KRT26: variants seen among roughly 807,000 people sequenced by gnomAD.
KRT26 encodes keratin 26.
KRT26 carries 45 observed loss-of-function variants against 46.1 expected under a neutral mutation model. The ratio of observed to expected loss-of-function variants is 0.98; its 90% CI spans 0.77 to 1.25. The LOEUF (loss-of-function observed/expected upper bound fraction) is 1.25. Ranked by LOEUF, KRT26 falls within the 50% of genes most tolerant of loss-of-function variation. The pLI is 0.00. For synonymous variants in KRT26, 191 were observed against 209.9 expected, an observed-to-expected ratio of 0.91 and a Z score of 0.78; for missense variants, 582 against 560.1, an observed-to-expected ratio of 1.04 and a Z score of -0.39.
chr17:40,769,673 T>G, intron 5 of KRT26, 81 bp downstream of exon 5: 1 of 1,384,758 alleles, frequency 7.2e-7, no homozygotes, highest in African/African-American at 1.4e-5. Context: ...TATACGTACT[T>G]GGTGTTATAT....
chr17:40,766,635 C>T (rs2038174705), exon 8 of KRT26: 1 of 1,612,486 alleles, frequency 6.2e-7, no homozygotes, highest in Admixed American at 1.7e-5. Context: ...GTTCCTCAAC[C>T]ACTGTTTTAA....
At chr17:40,771,211 G>C in exon 2 of KRT26, 1 of 1,606,040 alleles carries the variant, frequency 6.2e-7, no homozygotes, top group Non-Finnish European at 8.5e-7. Context: ...AACAATGCTG[G>C]CATTGCAGAT....
exon 4 of KRT26, chr17:40,770,071 T>G (rs1388614241): frequency 1.2e-6 from 2 of 1,614,052 alleles, no homozygotes; most frequent in African/African-American, 2.7e-5. Context: ...GGGGTTGCAT[T>G]CATCTCCACG....
exon 5 of KRT26, chr17:40,769,795 G>A (rs1198261918): frequency 6.2e-7 from 1 of 1,614,176 alleles, no homozygotes; most frequent in East Asian, 2.2e-5. Flanking sequence ...AGGGTTTGCA[G>A]ATTGCGTTTT....
Position 40,769,107 on chromosome 17 carries a change from A to G in KRT26, c.970-11T>C. The G allele has an allele frequency of 6.4e-7, 1 of 1,552,430 alleles. No homozygotes were observed. Among genetic ancestry groups the G allele is most frequent in the Non-Finnish European group, 8.9e-7 (1 of 1,125,026 alleles). Reference sequence around the variant, plus strand: ...TTCATAGGAATGTTTCTGAAAGAAAAGCAAAGTGAAGCTTGAATGTGTAAA... The same window carrying G: ...TTCATAGGAATGTTTCTGAAAGAAAGGCAAAGTGAAGCTTGAATGTGTAAA... On this transcript the variant is annotated splice_polypyrimidine_tract_variant and intron_variant, in intron 5 of 7. Coordinates refer to ENST00000335552, the Ensembl canonical transcript of KRT26.
exon 1 of KRT26, chr17:40,771,923 C>G (rs1370736093): frequency 1.9e-6 from 3 of 1,614,182 alleles, no homozygotes; most frequent in Non-Finnish European, 2.5e-6. Flanking sequence ...GGCACCACTT[C>G]CCAACCCTCC....
chr17:40,769,434 G>A (rs540542464), intron 5 of KRT26, among the ~76,000 whole-genome samples: 5 of 152,238 alleles, frequency 3.3e-5, no homozygotes, highest in African/African-American at 1.2e-4. Context: ...TGGGATTACA[G>A]GTGTGAGCCA....
Position 40,771,935 on chromosome 17 carries a change from C to A in KRT26, c.179G>T (p.Gly60Val), listed in dbSNP as rs763166022. Residue 60 changes from glycine (G) to valine (V), a missense_variant, in exon 1 of 8, where the codon GGT becomes GTT. Transcript: ENST00000335552. ...ACAGGCACCACTTCCCAACCCTCCACCGCTATTGCAGAAGCTTCCTCCAGA... is the reference window on the plus strand; with the variant it reads ...ACAGGCACCACTTCCCAACCCTCCAACGCTATTGCAGAAGCTTCCTCCAGA... 7 of 1,614,228 alleles carry A rather than the reference C, an allele frequency of 4.3e-6. No individual in the cohort carries two copies. In the East Asian group the frequency reaches 1.6e-4, roughly 36 times the overall value.
exon 6 of KRT26, chr17:40,768,899 G>A (rs1430056580): frequency 2.0e-6 from 3 of 1,535,296 alleles, no homozygotes; most frequent in East Asian, 4.5e-5. Flanking sequence ...CATCTAGTAA[G>A]TTGCAATAAA....
chr17:40,771,670 T>A lies in KRT26; in HGVS notation c.441+3A>T. 6.2e-7 allele frequency: 1 copy of A among 1,603,202 alleles called. No individual in the cohort carries two copies. Among genetic ancestry groups the A allele is most frequent in the South Asian group, 1.1e-5 (1 of 89,946 alleles). ...TAAAAGTATGCAAATCCCTATTTCT[T>A]ACCTGCCTTTTAAGATCTTCTATGA... is the stretch of plus-strand genomic sequence containing the variant. On this transcript the variant is annotated splice_donor_region_variant and intron_variant, in intron 1 of 7. Coordinates refer to ENST00000335552, the Ensembl canonical transcript of KRT26.
At chr17:40,769,690 T>G (rs948966647) in intron 5 of KRT26, 64 bp downstream of exon 5, 1 of 1,527,476 alleles carries the variant, frequency 6.5e-7, no homozygotes. Context: ...ATATGTATTT[T>G]TATATCTGTA....
chr17:40,766,477 TC>T (rs2038677711), exon 8 of KRT26: 8 of 1,465,922 alleles, frequency 5.5e-6, no homozygotes, highest in South Asian at 2.7e-5. Flanking sequence ...TCTCTCTCTC[TC>T]TCTTTCTTTC....
chr17:40,766,671 A>G lies in KRT26; in HGVS notation c.1256-5T>C. ...CAATAGTTTCTTCTGTTGAGTCTAAAATAAAATAAATAAAACATTAGTGGT... is the reference window on the plus strand; with the variant it reads ...CAATAGTTTCTTCTGTTGAGTCTAAGATAAAATAAATAAAACATTAGTGGT... On this transcript the variant is annotated splice_polypyrimidine_tract_variant and splice_region_variant and intron_variant, in intron 7 of 7. Transcript: ENST00000335552. 6.3e-7 allele frequency: 1 copy of G among 1,595,122 alleles called. No individual in the cohort carries two copies. The highest frequency in any genetic ancestry group is 8.6e-7 in the Non-Finnish European group (1 of 1,166,696).
At chr17:40,770,087 G>C in exon 4 of KRT26, 1 of 1,614,082 alleles carries the variant, frequency 6.2e-7, no homozygotes, top group Non-Finnish European at 8.5e-7. Flanking sequence ...CCACGTTCAC[G>C]TTCCCCCCAG....
intron 1 of KRT26, 120 bp from the exon 2 acceptor site, chr17:40,771,356 G>T: frequency 1.6e-6 from 1 of 614,988 alleles, no homozygotes; most frequent in Non-Finnish European, 2.8e-6. Context: ...TTTTTTCTAT[G>T]TTAAAGAAAT....
At chr17:40,771,919 A>G in exon 1 of KRT26, 5 of 1,614,166 alleles carry the variant, frequency 3.1e-6, no homozygotes, top group Non-Finnish European at 4.2e-6. Context: ...CACAGGCACC[A>G]CTTCCCAACC....
At chr17:40,769,081 A>G (rs552488022) in exon 6 of KRT26, 1 of 1,612,636 alleles carries the variant, frequency 6.2e-7, no homozygotes, top group East Asian at 2.2e-5. Flanking sequence ...GCCAAGGAGC[A>G]TTCATAGGAA....
chr17:40,771,224 TCG>T lies in KRT26; in HGVS notation c.452_453del (p.Ala151AspfsTer12). The T allele has an allele frequency of 6.3e-7, 1 of 1,598,726 alleles. No individual in the cohort carries two copies. The highest frequency in any genetic ancestry group is 8.6e-7 in the Non-Finnish European group (1 of 1,167,842). ...AGAACAATGCTGGCATTGCAGATGG[TCG>T]CAGAAATAATCTAAATAGGGAAGAT... On this transcript the variant is annotated frameshift_variant, in exon 2 of 8. Transcript: ENST00000335552. LOFTEE classifies it high-confidence loss of function.
At chr17:40,770,264 T>C in exon 3 of KRT26, 1 of 1,613,842 alleles carries the variant, frequency 6.2e-7, no homozygotes, top group South Asian at 1.1e-5. Context: ...TCCTCATGAC[T>C]TTTTTTGAGG....
Sources: allele counts gnomAD v4.1 joint callset (sites outside exome capture counted in the v4.1 genomes callset), GRCh38; gene constraint gnomAD v4.1.1; transcripts MANE v1.5; gene names NCBI Gene and HGNC (gene_info 2026-07-23, HGNC 2026-07-21).